The following TARBP1 variants were observed in gnomAD, a reference collection of about 807,000 sequenced individuals.
TARBP1 encodes the protein tRNA guanosine 2 -O-methyltransferase TARBP1.
Under a neutral mutation model 178.6 loss-of-function variants are expected in TARBP1, and 144 were observed. The observed-to-expected ratio is 0.81, with a 90% CI of 0.70 to 0.93. TARBP1 has a LOEUF of 0.93. Among genes scored for constraint, TARBP1 ranks in the 40% least tolerant of loss-of-function variants. TARBP1 has a pLI of 0.00. For missense variants in TARBP1, 2,067 were observed against 2,011.7 expected, an observed-to-expected ratio of 1.03 and a Z score of -0.53; for synonymous variants, 787 against 781.0, an observed-to-expected ratio of 1.01 and a Z score of -0.13.
intron 9 of TARBP1, among the ~76,000 whole-genome samples, chr1:234,454,349 G>A (rs1478611499): frequency 2.6e-5 from 4 of 152,088 alleles, no homozygotes; most frequent in Admixed American, 1.3e-4. Flanking sequence ...TTTTAGGTGT[G>A]ATAAAGGCTT....
chr1:234,396,270 C>G (rs1659926862), intron 26 of TARBP1, among the ~76,000 whole-genome samples: 1 of 152,174 alleles, frequency 6.6e-6, no homozygotes, highest in African/African-American at 2.4e-5. Context: ...TCTCTCTTCC[C>G]TCTCCTCCCA....
chr1:234,428,691 G>A (rs1419239213), intron 17 of TARBP1, among the ~76,000 whole-genome samples: 7 of 151,952 alleles, frequency 4.6e-5, no homozygotes, highest in African/African-American at 1.5e-4. Context: ...GATTACAGGC[G>A]TGCGCCACCA....
intron 2 of TARBP1, among the ~76,000 whole-genome samples, chr1:234,472,027 G>A (rs1223695390): frequency 6.6e-6 from 1 of 152,074 alleles, no homozygotes; most frequent in Non-Finnish European, 1.5e-5. Context: ...CATATCACCT[G>A]GGAACTTGTA....
chr1:234,404,293 T>C (rs1239884890), intron 24 of TARBP1, among the ~76,000 whole-genome samples: 3 of 152,160 alleles, frequency 2.0e-5, no homozygotes, highest in Non-Finnish European at 4.4e-5. Flanking sequence ...TGAAAGTCTA[T>C]GGGGTAACTA....
At chr1:234,468,955 T>A (rs1668746661) in intron 3 of TARBP1, among the ~76,000 whole-genome samples, 1 of 151,164 alleles carries the variant, frequency 6.6e-6, no homozygotes, top group South Asian at 2.1e-4. Flanking sequence ...ATCAAAACTA[T>A]TTTTTCATGG....
At chr1:234,449,293 G>A (rs375915672) in intron 10 of TARBP1, among the ~76,000 whole-genome samples, 1 of 152,260 alleles carries the variant, frequency 6.6e-6, no homozygotes, top group African/African-American at 2.4e-5. Flanking sequence ...ACAAAGAAGT[G>A]GAGGAAAAAT....
intron 20 of TARBP1, among the ~76,000 whole-genome samples, chr1:234,423,869 C>T (rs1333681071): frequency 6.6e-6 from 1 of 151,704 alleles, no homozygotes; most frequent in South Asian, 2.1e-4. Flanking sequence ...GGATTACAGG[C>T]GTGAGCCACC....
At chr1:234,408,854 C>A (rs1293530515) in intron 23 of TARBP1, among the ~76,000 whole-genome samples, 1 of 152,202 alleles carries the variant, frequency 6.6e-6, no homozygotes, top group Non-Finnish European at 1.5e-5. Flanking sequence ...TCTGTGTACT[C>A]TTCCTCTATT....
At chr1:234,425,533 T>C in intron 20 of TARBP1, 140 bp downstream of exon 20, 1 of 951,528 alleles carries the variant, frequency 1.1e-6, no homozygotes, top group Non-Finnish European at 1.6e-6. Flanking sequence ...TAATCAAGAC[T>C]GAATTAAAAA....
At chr1:234,462,516 C>G (rs866121269) in intron 6 of TARBP1, among the ~76,000 whole-genome samples, 11 of 152,172 alleles carry the variant, frequency 7.2e-5, no homozygotes, top group Non-Finnish European at 1.5e-5. Flanking sequence ...CGGTGAAACC[C>G]TGTCTCTACT....
At chr1:234,451,115 G>T (rs1666711291) in intron 9 of TARBP1, among the ~76,000 whole-genome samples, 1 of 152,052 alleles carries the variant, frequency 6.6e-6, no homozygotes, top group Non-Finnish European at 1.5e-5. Flanking sequence ...TTAAAATACT[G>T]CATATTAATT....
intron 14 of TARBP1, among the ~76,000 whole-genome samples, chr1:234,432,289 A>G (rs538709285): frequency 1.3e-5 from 2 of 151,174 alleles, no homozygotes; most frequent in Non-Finnish European, 3.0e-5. Flanking sequence ...TAAAAATACA[A>G]AAATTAGCCG....
chr1:234,447,030 C>T, intron 11 of TARBP1, 55 bp from the exon 12 acceptor site: 3 of 1,593,000 alleles, frequency 1.9e-6, no homozygotes, highest in Non-Finnish European at 2.6e-6. Flanking sequence ...AAGCAAATTG[C>T]TTCCCACCTA....
intron 22 of TARBP1, 82 bp from the exon 23 acceptor site, chr1:234,410,613 T>A: frequency 3.4e-6 from 3 of 873,164 alleles, no homozygotes; most frequent in Non-Finnish European, 5.5e-6. Flanking sequence ...CTGGACTCTA[T>A]GAGGGCCCAG....
At chr1:234,456,659 A>G (rs72765612) in intron 9 of TARBP1, among the ~76,000 whole-genome samples, 14,664 of 152,266 alleles carry the variant, frequency 0.096, 1,184 homozygotes, top group East Asian at 0.32. Flanking sequence ...AAACAGTTTA[A>G]TCTATATTTA....
Position 234,457,737 on chromosome 1 carries a change from T to A in TARBP1, c.1652A>T (p.Asp551Val). 6.2e-7 allele frequency: 1 copy of A among 1,609,312 alleles called. No homozygotes were observed. Among genetic ancestry groups the A allele is most frequent in the South Asian group, 1.1e-5 (1 of 90,752 alleles). ...LLDVEKVSLS[D>V]VSTFLMSLRQ... ...CAGAGACATGAGAAAAGTTGAGACA[T>A]CAGAAAGTGACACTTTCTCCTGGGC... Residue 551 changes from aspartate (D) to valine (V), a missense_variant, in exon 9 of 30, where the codon GAT becomes GTT. Physicochemically the swap from Asp to Val is radical, Grantham distance 152. Coordinates refer to ENST00000040877, the MANE Select transcript of TARBP1 (RefSeq NM_005646.4).
At chr1:234,418,823 G>A (rs1558175698) in intron 21 of TARBP1, among the ~76,000 whole-genome samples, 1 of 152,140 alleles carries the variant, frequency 6.6e-6, no homozygotes, top group South Asian at 2.1e-4. Flanking sequence ...ATCGGGGGAC[G>A]GAACCTATCT....
chr1:234,427,783 C>A lies in TARBP1; in HGVS notation c.3061-17G>T. ...GTACATAATCTGGAATAAAATACAACCGTCATTTTATCCTTGATTTAGTTT... is the reference window on the plus strand; with the variant it reads ...GTACATAATCTGGAATAAAATACAAACGTCATTTTATCCTTGATTTAGTTT... On this transcript the variant is annotated splice_polypyrimidine_tract_variant and intron_variant, in intron 17 of 29. Transcript: ENST00000040877. 4 of 1,389,090 alleles carry A rather than the reference C, an allele frequency of 2.9e-6. No homozygotes were observed. Among genetic ancestry groups the A allele is most frequent in the Non-Finnish European group, 3.8e-6 (4 of 1,064,496 alleles). The allele number at this position is 1,389,090 out of a possible 1,614,324, so 86.0% of individuals were successfully genotyped here. A position where few individuals can be genotyped will look rare whatever the true frequency, so the allele number is the denominator to read the frequency against.
chr1:234,415,290 T>C (rs1197132357), intron 22 of TARBP1, among the ~76,000 whole-genome samples: 1 of 152,134 alleles, frequency 6.6e-6, no homozygotes, highest in African/African-American at 2.4e-5. Flanking sequence ...CTGGAGAAGA[T>C]TCTACTCCTT....
Sources: gnomAD v4.1 joint callset for allele counts (sites outside exome capture counted in the v4.1 genomes callset) on GRCh38, gnomAD v4.1.1 for gene constraint, MANE v1.5 for transcripts, NCBI Gene and HGNC (gene_info 2026-07-23, HGNC 2026-07-21) for gene names.